The following AKAP13 variants were observed in gnomAD, a reference collection of about 807,000 sequenced individuals.
AKAP13 encodes the protein A-kinase anchor protein 13.
Under a neutral mutation model 264.5 loss-of-function variants are expected in AKAP13, and 80 were observed. The observed-to-expected ratio is 0.30, with a 90% CI of 0.25 to 0.36. The LOEUF is 0.36. AKAP13 is among the 10% of genes least tolerant of loss of function. AKAP13 has a pLI of 1.00. For missense variants in AKAP13, 3,712 were observed against 3,435.2 expected (o/e 1.08, Z -2.01); for synonymous variants, 1,380 against 1,250.2 (o/e 1.10, Z -2.19).
intron 8 of AKAP13, among the ~76,000 whole-genome samples, chr15:85,594,146 G>C (rs1318220832): frequency 6.6e-6 from 1 of 152,210 alleles, no homozygotes; most frequent in Non-Finnish European, 1.5e-5. Context: ...GGTCTTGGAA[G>C]AAGCTATCAG....
chr15:85,637,826 A>G (rs2151468050), intron 8 of AKAP13, among the ~76,000 whole-genome samples: 1 of 150,838 alleles, frequency 6.6e-6, no homozygotes, highest in South Asian at 2.1e-4. Flanking sequence ...ATTTTTATTC[A>G]ATTTAAAATA....
chr15:85,514,582 AAT>A (rs1332171469), intron 2 of AKAP13, among the ~76,000 whole-genome samples: 2 of 138,232 alleles, frequency 1.4e-5, no homozygotes, highest in African/African-American at 5.8e-5. Context: ...TACACTAGAT[AAT>A]ATTCATTGCT....
chr15:85,695,693 G>A (rs984610165), intron 17 of AKAP13, among the ~76,000 whole-genome samples: 3 of 152,082 alleles, frequency 2.0e-5, no homozygotes, highest in Admixed American at 6.6e-5. Flanking sequence ...GCTCTCACCC[G>A]AATCCTCATG....
chr15:85,474,873 C>A (rs1214452538), intron 1 of AKAP13, among the ~76,000 whole-genome samples: 4 of 152,128 alleles, frequency 2.6e-5, no homozygotes, highest in African/African-American at 9.7e-5. Flanking sequence ...ACATTTTTAA[C>A]GTCTCTGATC....
intron 14 of AKAP13, among the ~76,000 whole-genome samples, chr15:85,674,926 A>T (rs976199801): frequency 1.3e-5 from 2 of 152,190 alleles, no homozygotes; most frequent in African/African-American, 4.8e-5. Flanking sequence ...AATACATCAG[A>T]ACAAAAATGT....
At chr15:85,649,318 C>G (rs572405471) in intron 10 of AKAP13, among the ~76,000 whole-genome samples, 2 of 152,168 alleles carry the variant, frequency 1.3e-5, no homozygotes, top group Non-Finnish European at 2.9e-5. Flanking sequence ...TTATTTTACT[C>G]TCAACCTCCC....
intron 16 of AKAP13, among the ~76,000 whole-genome samples, chr15:85,688,384 A>G (rs2085067450): frequency 6.6e-6 from 1 of 152,202 alleles, no homozygotes; most frequent in African/African-American, 2.4e-5. Context: ...GTCTGATCCA[A>G]TTGTTTTATT....
At chr15:85,571,952 G>A (rs909785976) in intron 5 of AKAP13, among the ~76,000 whole-genome samples, 3 of 152,202 alleles carry the variant, frequency 2.0e-5, no homozygotes, top group Non-Finnish European at 4.4e-5. Flanking sequence ...GTTAGTACCT[G>A]GAGGTAATTG....
intron 2 of AKAP13, among the ~76,000 whole-genome samples, chr15:85,494,233 A>G (rs1281713940): frequency 6.6e-6 from 1 of 152,186 alleles, no homozygotes; most frequent in Non-Finnish European, 1.5e-5. Context: ...TACTGGATCT[A>G]GCAACCTAGC....
At chr15:85,662,565 C>T (rs2083405317) in intron 12 of AKAP13, 4 of 1,189,346 alleles carry the variant, frequency 3.4e-6, no homozygotes, top group Admixed American at 1.7e-5. Flanking sequence ...GGGCAGCCTG[C>T]TTTGTCTGTG....
intron 8 of AKAP13, among the ~76,000 whole-genome samples, chr15:85,593,672 T>G (rs2079681533): frequency 6.6e-6 from 1 of 152,192 alleles, no homozygotes; most frequent in Admixed American, 6.5e-5. Context: ...TTCATAGAAC[T>G]GCTGAATCAT....
intron 24 of AKAP13, 49 bp from the exon 25 acceptor site, chr15:85,722,181 C>CTAG: frequency 1.9e-6 from 3 of 1,609,750 alleles, no homozygotes; most frequent in Non-Finnish European, 2.5e-6. Flanking sequence ...TCGGCTTTCA[C>CTAG]TAGAGCCTTT....
chr15:85,519,554 AAAG>A (rs1396733848), intron 2 of AKAP13, among the ~76,000 whole-genome samples: 1 of 152,208 alleles, frequency 6.6e-6, no homozygotes, highest in African/African-American at 2.4e-5. Context: ...GCATCATGCC[AAAG>A]AAGATTACAC....
intron 3 of AKAP13, among the ~76,000 whole-genome samples, chr15:85,525,929 A>G (rs2077024129): frequency 6.6e-6 from 1 of 152,216 alleles, no homozygotes. Flanking sequence ...TTTGTATACT[A>G]TTTTTGTAAA....
intron 5 of AKAP13, among the ~76,000 whole-genome samples, chr15:85,546,321 A>AATACACACACACAC (rs375341311): frequency 8.3e-5 from 12 of 145,176 alleles, no homozygotes; most frequent in African/African-American, 2.5e-4. Flanking sequence ...GTTGTTACCA[A>AATACACACACACAC]ACACACACAC....
In AKAP13 at chr15:85,607,541, T is replaced by TG. The variant is rs1474743776; in HGVS notation, c.4161+21719dup. ...TGAGGAACAGAAAGGTTTTAAAACT[T>TG]GCGTAAGGCAGCCTAGCTCCAGAGT... On this transcript the variant is annotated intron_variant, in intron 8 of 36. Transcript: ENST00000394518. Among the ~76,000 whole-genome samples the TG allele has an allele frequency of 2.6e-5, 4 of 152,308 alleles. No individual in the cohort carries two copies. In the East Asian group the frequency reaches 5.8e-4, roughly 22 times the overall value.
chr15:85,743,906 G>T, intron 36 of AKAP13, 81 bp downstream of exon 36: 1 of 1,478,812 alleles, frequency 6.8e-7, no homozygotes, highest in Non-Finnish European at 9.0e-7. Flanking sequence ...GGCATGGGGC[G>T]GGGTTGAAAA....
chr15:85,539,604 CA>C (rs1443369712), intron 4 of AKAP13, among the ~76,000 whole-genome samples: 2 of 152,164 alleles, frequency 1.3e-5, no homozygotes, highest in East Asian at 3.8e-4. Flanking sequence ...ATAAAAGATA[CA>C]ACCCTCTAGC....
intron 8 of AKAP13, among the ~76,000 whole-genome samples, chr15:85,587,195 A>G (rs1277723434): frequency 1.3e-5 from 2 of 152,260 alleles, no homozygotes; most frequent in African/African-American, 2.4e-5. Context: ...TCATTAATCT[A>G]CTTTTGCTTT....
Sources: allele counts gnomAD v4.1 joint callset (sites outside exome capture counted in the v4.1 genomes callset), GRCh38; gene constraint gnomAD v4.1.1; transcripts MANE v1.5; gene names NCBI Gene and HGNC (gene_info 2026-07-23, HGNC 2026-07-21).